The following XRN2 variants were observed in gnomAD, a reference collection of about 807,000 sequenced individuals.
XRN2 encodes the protein 5'-3' exoribonuclease 2.
In XRN2, 44 loss-of-function variants were observed where a neutral mutation model predicts 138.5. That is an observed-to-expected ratio of 0.32 (90% CI 0.25 to 0.41). XRN2 has a LOEUF of 0.41. Among genes scored for constraint, XRN2 ranks in the 10% least tolerant of loss-of-function variants. The pLI, the probability that XRN2 is intolerant of heterozygous loss-of-function variation, is 1.00. For missense variants in XRN2, 937 were observed against 1,169.3 expected, an observed-to-expected ratio of 0.80 and a Z score of 2.90; for synonymous variants, 354 against 369.4, an observed-to-expected ratio of 0.96 and a Z score of 0.48.
Position 21,303,397 on chromosome 20 carries a change from C to T in XRN2, c.-2C>T. 2 of 1,548,482 alleles carry T rather than the reference C, an allele frequency of 1.3e-6. No homozygotes were observed. The highest frequency in any genetic ancestry group is 2.4e-5 in the South Asian group (2 of 83,828). On this transcript the variant is annotated 5_prime_UTR_variant, in exon 1 of 30. Coordinates refer to ENST00000377191, the MANE Select transcript of XRN2 (RefSeq NM_012255.5). ...GGCCGCCGCCTCCAGCCGTGTGCCGCTATGGGAGTCCCGGCGTTCTTCCGC... is the reference window on the plus strand; with the variant it reads ...GGCCGCCGCCTCCAGCCGTGTGCCGTTATGGGAGTCCCGGCGTTCTTCCGC...
chr20:21,348,630 G>T (rs887817392), intron 19 of XRN2, among the ~76,000 whole-genome samples, 200 bp downstream of exon 19: 2 of 151,974 alleles, frequency 1.3e-5, no homozygotes, highest in Non-Finnish European at 2.9e-5. Context: ...AAATTTTTTT[G>T]TTTAGTTTTT....
At chr20:21,365,006 T>C (rs933494867) in intron 24 of XRN2, among the ~76,000 whole-genome samples, 1 of 152,246 alleles carries the variant, frequency 6.6e-6, no homozygotes, top group African/African-American at 2.4e-5. Flanking sequence ...TCTATTGGTA[T>C]ATCCATCTTT....
intron 3 of XRN2, among the ~76,000 whole-genome samples, chr20:21,327,547 G>A (rs190642463): frequency 6.6e-6 from 1 of 152,248 alleles, no homozygotes; most frequent in East Asian, 1.9e-4. Flanking sequence ...GGAGTAAAGA[G>A]TAAAAAGAAA....
At chr20:21,340,684 T>A in intron 14 of XRN2, 37 bp from the exon 15 acceptor site, 1 of 1,602,074 alleles carries the variant, frequency 6.2e-7, no homozygotes. Context: ...GTGTTGTGAT[T>A]TAATTTTAAT....
chr20:21,317,580 C>T (rs1040000220), intron 1 of XRN2, among the ~76,000 whole-genome samples: 3 of 152,098 alleles, frequency 2.0e-5, no homozygotes, highest in African/African-American at 7.2e-5. Flanking sequence ...AACGGAGGCT[C>T]AAATCTCTGA....
At chr20:21,375,664 G>T (rs1334832489) in intron 27 of XRN2, among the ~76,000 whole-genome samples, 3 of 151,274 alleles carry the variant, frequency 2.0e-5, no homozygotes. Flanking sequence ...TCTAGAAATG[G>T]TATTGCTGGA....
intron 26 of XRN2, 110 bp from the exon 27 acceptor site, chr20:21,368,353 G>C: frequency 7.5e-7 from 1 of 1,341,696 alleles, no homozygotes; most frequent in Non-Finnish European, 1.0e-6. Flanking sequence ...ATCTTAATCA[G>C]ATCTGTTAGT....
chr20:21,359,762 T>G (rs765743569), intron 24 of XRN2, among the ~76,000 whole-genome samples: 4 of 152,174 alleles, frequency 2.6e-5, no homozygotes, highest in Non-Finnish European at 5.9e-5. Flanking sequence ...GTTTTAGGGC[T>G]TGTTGTACAT....
At chr20:21,339,249 C>T (rs919587761) in intron 14 of XRN2, among the ~76,000 whole-genome samples, 161 bp downstream of exon 14, 2 of 152,046 alleles carry the variant, frequency 1.3e-5, no homozygotes, top group Non-Finnish European at 2.9e-5. Context: ...ACACTGGTGT[C>T]GATTTAAAGA....
chr20:21,365,809 ATATAT>A (rs1204703973), intron 26 of XRN2, 105 bp downstream of exon 26: 1 of 29,218 alleles, frequency 3.4e-5, no homozygotes, highest in East Asian at 3.8e-3. Flanking sequence ...CATATATATA[ATATAT>A]GATTATATAT....
chr20:21,352,267 A>G (rs1274521404), intron 20 of XRN2, among the ~76,000 whole-genome samples: 1 of 152,224 alleles, frequency 6.6e-6, no homozygotes, highest in Non-Finnish European at 1.5e-5. Context: ...ACATCTTAAT[A>G]GAAGATAAAC....
chr20:21,350,290 G>T (rs1568585334), intron 20 of XRN2, among the ~76,000 whole-genome samples: 1 of 152,040 alleles, frequency 6.6e-6, no homozygotes, highest in Non-Finnish European at 1.5e-5. Flanking sequence ...AATTTGGGAG[G>T]CCAAGGCGGG....
chr20:21,375,025 T>C (rs1425091694), intron 27 of XRN2, among the ~76,000 whole-genome samples: 5 of 141,582 alleles, frequency 3.5e-5, no homozygotes, highest in Non-Finnish European at 7.8e-5. Flanking sequence ...TTTTTTTTTT[T>C]TTTTTTTTTT....
At chr20:21,331,662 T>C (rs751720996) in intron 7 of XRN2, 29 bp downstream of exon 7, 8 of 1,604,308 alleles carry the variant, frequency 5.0e-6, no homozygotes, top group Non-Finnish European at 6.0e-6. Context: ...TATTTGATTA[T>C]ATGTTCTATT....
Position 21,332,280 on chromosome 20 carries a change from T to C in XRN2, c.701-3T>C. The C allele has an allele frequency of 1.2e-6, 2 of 1,609,836 alleles. No individual in the cohort carries two copies. Among genetic ancestry groups the C allele is most frequent in the African/African-American group, 1.3e-5 (1 of 74,710 alleles). On this transcript the variant is annotated splice_region_variant and splice_polypyrimidine_tract_variant and intron_variant, in intron 8 of 29. Coordinates refer to ENST00000377191, the MANE Select transcript of XRN2 (RefSeq NM_012255.5). ...CGATGTTTTTCTCATTGTTGATTGA[T>C]AGCTGATCTCATTATGCTTGGCCTT...
At chr20:21,357,670 C>T (rs574645079) in intron 23 of XRN2, 66 bp from the exon 24 acceptor site, 10 of 1,316,600 alleles carry the variant, frequency 7.6e-6, no homozygotes, top group Non-Finnish European at 9.3e-6. Context: ...ATAGCAACAT[C>T]TTATTTCCAC....
At chr20:21,335,287 A>G (rs1600688890) in intron 13 of XRN2, among the ~76,000 whole-genome samples, 1 of 152,354 alleles carries the variant, frequency 6.6e-6, no homozygotes, top group Non-Finnish European at 1.5e-5. Context: ...ATAAGCAGGT[A>G]ATAGCTTCTT....
At position 21,339,199 on chromosome 20, in the gene XRN2, C is replaced by T. The variant is rs879211008; in HGVS notation, c.1278+111C>T. ...TTGTCCAGTAGGACTTAGTCAGGGA[C>T]GTAAGTGTCCACCCAGTTACCTTTT... On this transcript the variant is annotated intron_variant, in intron 14 of 29. Coordinates refer to ENST00000377191, the MANE Select transcript of XRN2 (RefSeq NM_012255.5). The T allele has an allele frequency of 1.4e-4, 146 of 1,040,496 alleles. 1 individual carries two copies. In the South Asian group the frequency reaches 1.6e-3, roughly 12 times the overall value. The allele number at this position is 1,040,496 out of a possible 1,614,324, so 64.5% of individuals were successfully genotyped here.
At chr20:21,303,670 C>G (rs909814005) in intron 1 of XRN2, 197 bp downstream of exon 1, 11 of 1,328,280 alleles carry the variant, frequency 8.3e-6, no homozygotes, top group Non-Finnish European at 1.1e-5. Context: ...GCGAGGAATT[C>G]AGGACCCTCG....
Sources: gnomAD v4.1 joint callset for allele counts (sites outside exome capture counted in the v4.1 genomes callset) on GRCh38, gnomAD v4.1.1 for gene constraint, MANE v1.5 for transcripts, NCBI Gene and HGNC (gene_info 2026-07-23, HGNC 2026-07-21) for gene names.